Variants in SP140 observed in about 807,000 individuals in gnomAD.
SP140 encodes the protein nuclear body protein SP140.
SP140 carries 81 observed loss-of-function variants against 125.0 expected under a neutral mutation model. The observed-to-expected ratio is 0.65, with a 90% CI of 0.54 to 0.78. The LOEUF is 0.78. Among genes scored for constraint, SP140 ranks in the 30% least tolerant of loss-of-function variants. SP140 has a pLI of 0.00. For synonymous variants in SP140, 312 were observed against 354.0 expected (o/e 0.88, Z 1.33); for missense variants, 858 against 1,037.0 (o/e 0.83, Z 2.37).
intron 26 of SP140, 101 bp from the exon 27 acceptor site, chr2:230,312,484 AC>A: frequency 1.5e-6 from 1 of 679,866 alleles, no homozygotes; most frequent in South Asian, 1.9e-5. Context: ...GACTTACAGT[AC>A]TTTTTTTTTT....
chr2:230,226,762 C>CAAAAAAAAAAAAAAAAAAAAAAA (rs11323886), intron 1 of SP140, among the ~76,000 whole-genome samples: 3 of 94,264 alleles, frequency 3.2e-5, no homozygotes, highest in Non-Finnish European at 6.4e-5. Context: ...AATTCCATCT[C>CAAAAAAAAAAAAAAAAAAAAAAA]AAAAAAAAAA....
Position 230,243,724 on chromosome 2 carries a change from T to C in SP140, c.491-7T>C, listed in dbSNP as rs943107521. 1.2e-6 allele frequency: 2 copies of C among 1,608,534 alleles called. No individual in the cohort carries two copies. Among genetic ancestry groups the C allele is most frequent in the Non-Finnish European group, 1.7e-6 (2 of 1,175,602 alleles). On this transcript the variant is annotated splice_polypyrimidine_tract_variant and splice_region_variant and intron_variant, in intron 4 of 26. Coordinates refer to ENST00000392045, the MANE Select transcript of SP140 (RefSeq NM_007237.5). The stretch of plus-strand genomic sequence containing the variant: ...AGACATCTAAGGGATTTCATTCCTT[T>C]CGGCAGAGAACAGCAATGCCTGTCA...
intron 22 of SP140, among the ~76,000 whole-genome samples, chr2:230,308,563 C>T (rs2059034507): frequency 6.6e-6 from 1 of 152,176 alleles, no homozygotes; most frequent in South Asian, 2.1e-4. Context: ...GCAGGCATCC[C>T]ACGCCACGCA....
chr2:230,283,368 T>C (rs1254905954), intron 15 of SP140, among the ~76,000 whole-genome samples: 1 of 152,188 alleles, frequency 6.6e-6, no homozygotes, highest in Non-Finnish European at 1.5e-5. Flanking sequence ...ACTTAGACTT[T>C]CCATCTACAA....
chr2:230,243,629 A>G (rs1379318025), intron 4 of SP140, 102 bp from the exon 5 acceptor site: 1 of 910,480 alleles, frequency 1.1e-6, no homozygotes, highest in African/African-American at 1.7e-5. Context: ...GGGACCTTCC[A>G]GATTATCAGG....
chr2:230,248,066 G>T lies in SP140; in HGVS notation c.892+1G>T, dbSNP rs774721338. The T allele has an allele frequency of 8.7e-6, 14 of 1,612,972 alleles. No homozygotes were observed. The highest frequency in any genetic ancestry group is 1.7e-5 in the Admixed American group (1 of 59,894). On this transcript the variant is annotated splice_donor_variant, in intron 8 of 26. Coordinates refer to ENST00000392045, the MANE Select transcript of SP140 (RefSeq NM_007237.5). LOFTEE classifies it high-confidence loss of function. ...GAGAGTCCAGAGGGAAGAGACAAAG[G>T]TAGGAACAGAAGAAGCAGAGACATG...
At chr2:230,231,113 C>CT in intron 1 of SP140, among the ~76,000 whole-genome samples, 1 of 152,100 alleles carries the variant, frequency 6.6e-6, no homozygotes. Flanking sequence ...TTCATTATGT[C>CT]TTTGAGTTGT....
Position 230,295,596 on chromosome 2 carries a change from T to C in SP140, c.2016+1278T>C, listed in dbSNP as rs150554035. Among the ~76,000 whole-genome samples the C allele has an allele frequency of 1.2e-3, 184 of 152,192 alleles. 3 individuals carry two copies. The East Asian group carries it at 0.033, about 27-fold the overall frequency. ...TCTCCTCATGGGGGAGAACAGAAGG[T>C]CCCTTAAGTGGCAGATCCAGGATCC... On this transcript the variant is annotated intron_variant, in intron 21 of 26. Transcript: ENST00000392045.
chr2:230,312,636 G>T lies in SP140; in HGVS notation c.2556G>T (p.Lys852Asn). The T allele has an allele frequency of 6.2e-7, 1 of 1,612,936 alleles. No individual in the cohort carries two copies. The highest frequency in any genetic ancestry group is 8.5e-7 in the Non-Finnish European group (1 of 1,179,276). ...TTAGACTGGAGGCTGAGTTTGAGAA[G>T]AATTTCAAGGAAGTGTTTGCTATTC... ...MGFRLEAEFE[K>N]NFKEVFAIQE... Residue 852 changes from lysine to asparagine, a missense_variant, in exon 27 of 27, where the codon AAG (lysine) becomes AAT (asparagine). Lys to Asn is a moderately conservative substitution (Grantham distance 94). Coordinates refer to ENST00000392045, the MANE Select transcript of SP140 (RefSeq NM_007237.5).
At chr2:230,222,268 T>C (rs2045887709), upstream of SP140, among the ~76,000 whole-genome samples, 1 of 151,350 alleles carries the variant, frequency 6.6e-6, no homozygotes, top group African/African-American at 2.4e-5. Flanking sequence ...GAGAACATGG[T>C]AATAATGGGA....
In SP140 at chr2:230,243,827, C is replaced by T. The variant is rs1352910720; in HGVS notation, c.571+16C>T. ...TGTGAGCCAGGTAAGGAAGGAGTGA[C>T]TTGCTCTCCCTGACCTGCAGGGTGT... On this transcript the variant is annotated intron_variant, in intron 5 of 26. Transcript: ENST00000392045. 2 of 1,578,814 alleles carry T rather than the reference C, an allele frequency of 1.3e-6. No individual in the cohort carries two copies. The highest frequency in any genetic ancestry group is 2.2e-5 in the South Asian group (2 of 90,356).
At chr2:230,282,415 A>G (rs2055709232) in intron 15 of SP140, among the ~76,000 whole-genome samples, 1 of 152,082 alleles carries the variant, frequency 6.6e-6, no homozygotes, top group African/African-American at 2.4e-5. Context: ...GCTTCTGGCA[A>G]ATTTCCCCAT....
In SP140 at chr2:230,247,958, G is replaced by A; in HGVS notation, c.785G>A (p.Ser262Asn). The part of the protein sequence containing the change: ...NGMIDAARTY[S>N]TAPGEKQGEE... ...ATGATAGATGCGGCAAGGACATACA[G>A]CACAGCACCAGGGGAGAAACAGGGA... The change falls in exon 8 of 27, where the codon AGC becomes AAC. Residue 262 changes from serine to asparagine, a missense_variant. Ser to Asn is a conservative substitution (Grantham distance 46). This residue lies in a region of SP140 where 791 missense variants were observed against 869.5 expected (regional missense o/e 0.91). Transcript: ENST00000392045. 6.2e-7 allele frequency: 1 copy of A among 1,613,888 alleles called. No homozygotes were observed. Among genetic ancestry groups the A allele is most frequent in the South Asian group, 1.1e-5 (1 of 91,074 alleles).
intron 12 of SP140, among the ~76,000 whole-genome samples, chr2:230,258,643 G>A (rs2051659981): frequency 1.3e-5 from 2 of 152,120 alleles, no homozygotes; most frequent in Admixed American, 1.3e-4. Flanking sequence ...AGTAATTGTT[G>A]ATCACTGAAA....
chr2:230,277,295 G>A (rs1262048082), intron 15 of SP140, among the ~76,000 whole-genome samples: 1 of 152,088 alleles, frequency 6.6e-6, no homozygotes, highest in Non-Finnish European at 1.5e-5. Flanking sequence ...ATCCAGGCAG[G>A]ACTTTCCACC....
rs936918484 is a variant in SP140, at chr2:230,238,927, T to G, written c.406+546T>G. ...TGGGGGCCTTTCCGAACCATGTGGTTGAATTGCAGACTGTGGGAGGCAGGG... is the reference window on the plus strand; with the variant it reads ...TGGGGGCCTTTCCGAACCATGTGGTGGAATTGCAGACTGTGGGAGGCAGGG... On this transcript the variant is annotated intron_variant, in intron 3 of 26. Transcript: ENST00000392045. 4 of 1,547,356 alleles carry G rather than the reference T, an allele frequency of 2.6e-6. No individual in the cohort carries two copies. In the African/African-American group the frequency reaches 5.5e-5, roughly 21 times the overall value.
intron 12 of SP140, 104 bp downstream of exon 12, chr2:230,255,636 A>G: frequency 3.1e-6 from 3 of 969,130 alleles, no homozygotes; most frequent in South Asian, 2.8e-5. Context: ...TATACCTCAC[A>G]GTGAAAGGAT....
At chr2:230,219,108 C>A (rs2045558305) in intron 3 of SP140, among the ~76,000 whole-genome samples, 1 of 152,106 alleles carries the variant, frequency 6.6e-6, no homozygotes, top group Non-Finnish European at 1.5e-5. Context: ...ATCTGTAGTC[C>A]CAGTTACTCA....
chr2:230,234,470 T>A lies in SP140; in HGVS notation c.60-2613T>A, dbSNP rs915124670. Among the ~76,000 whole-genome samples the A allele has an allele frequency of 1.4e-4, 21 of 152,266 alleles. 1 individual carries two copies. Among genetic ancestry groups the A allele is most frequent in the Admixed American group, 1.4e-3 (21 of 15,288 alleles). ...TTCTTTGAGTCCTTGTCTATCTAAG[T>A]ATTGATTCTGCCCTCATACGTGAAT... On this transcript the variant is annotated intron_variant, in intron 1 of 26. Coordinates refer to ENST00000392045, the MANE Select transcript of SP140 (RefSeq NM_007237.5).
Sources: gnomAD v4.1 joint callset for allele counts (sites outside exome capture counted in the v4.1 genomes callset) on GRCh38, gnomAD v4.1.1 for gene constraint, gnomAD v4.1.1 regional missense constraint, MANE v1.5 for transcripts, NCBI Gene and HGNC (gene_info 2026-07-23, HGNC 2026-07-21) for gene names.